AGBL1: variants seen among roughly 807,000 people sequenced by gnomAD.
AGBL1 encodes the protein cytosolic carboxypeptidase 4.
A neutral mutation model predicts 118.9 loss-of-function variants in AGBL1; 130 were observed. That is an observed-to-expected ratio of 1.09 (90% CI 0.95 to 1.26). The LOEUF (loss-of-function observed/expected upper bound fraction) is 1.26, where lower values mean the gene tolerates loss of function less well. AGBL1 is among the 50% of genes most tolerant of loss of function. AGBL1 has a pLI of 0.00. For missense variants in AGBL1, 1,584 were observed against 1,298.1 expected (o/e 1.22, Z -3.38); for synonymous variants, 555 against 478.9 (o/e 1.16, Z -2.08).
At chr15:86,941,689 A>C (rs1243452229) in intron 23 of AGBL1, among the ~76,000 whole-genome samples, 1 of 152,208 alleles carries the variant, frequency 6.6e-6, no homozygotes. Context: ...CTTCACCAGG[A>C]GGCATCTTTC....
chr15:86,262,472 T>C (rs2079007645), intron 9 of AGBL1, among the ~76,000 whole-genome samples: 1 of 152,204 alleles, frequency 6.6e-6, no homozygotes, highest in Non-Finnish European at 1.5e-5. Context: ...GGCAATGAGA[T>C]AAAGAATTTC....
In AGBL1 at chr15:86,907,715, G is replaced by A. The variant is rs1348523566; in HGVS notation, c.*421G>A. 4 of 152,174 alleles carry A rather than the reference G, an allele frequency of 2.6e-5. No homozygotes were observed. In the South Asian group the frequency reaches 8.3e-4, roughly 32 times the overall value. 9.4% of individuals were successfully genotyped at this position (152,174 alleles called of 1,614,324 possible). A position where few individuals can be genotyped will look rare whatever the true frequency, so the allele number is the denominator to read the frequency against. On this transcript the variant is annotated 3_prime_UTR_variant, in exon 23 of 23. Coordinates refer to ENST00000614907, the MANE Select transcript of AGBL1 (RefSeq NM_001386094.1). Reference sequence around the variant, plus strand: ...TATTTAAGTTGTTCCATATACAAGTGTTATCTTCCAATGTTATCTCCCCAC... The same window carrying A: ...TATTTAAGTTGTTCCATATACAAGTATTATCTTCCAATGTTATCTCCCCAC...
At chr15:86,233,414 G>A (rs1269511605) in intron 6 of AGBL1, among the ~76,000 whole-genome samples, 1 of 150,394 alleles carries the variant, frequency 6.6e-6, no homozygotes, top group Non-Finnish European at 1.5e-5. Flanking sequence ...AAAATCTTTT[G>A]AGGGAAATTG....
chr15:86,432,716 A>C (rs1288973313), intron 18 of AGBL1, among the ~76,000 whole-genome samples: 3 of 152,246 alleles, frequency 2.0e-5, no homozygotes, highest in Non-Finnish European at 4.4e-5. Flanking sequence ...GAGCTTAGAT[A>C]AAAGCCTGAA....
chr15:86,699,505 G>C (rs966472283), intron 22 of AGBL1, among the ~76,000 whole-genome samples: 1 of 152,018 alleles, frequency 6.6e-6, no homozygotes, highest in Non-Finnish European at 1.5e-5. Context: ...AATCTATTGA[G>C]TTTTCTTTAA....
At chr15:86,964,792 C>A (rs1012139513) in intron 23 of AGBL1, among the ~76,000 whole-genome samples, 1 of 152,024 alleles carries the variant, frequency 6.6e-6, no homozygotes, top group African/African-American at 2.4e-5. Context: ...ACCCCCCAAC[C>A]CCTGACAGGC....
intron 19 of AGBL1, among the ~76,000 whole-genome samples, chr15:86,539,039 T>C (rs987621493): frequency 1.3e-5 from 2 of 152,090 alleles, no homozygotes; most frequent in African/African-American, 4.8e-5. Context: ...GCAATTTAGC[T>C]CAGACAAGAA....
rs368241862 is a variant in AGBL1 at position 86,999,378 on chromosome 15, C to G, written c.3323+11290C>G. Among the ~76,000 whole-genome samples, 86 of 146,400 alleles carry G rather than the reference C, an allele frequency of 5.9e-4. No homozygotes were observed. In the East Asian group the frequency reaches 0.016, roughly 27 times the overall value. On this transcript the variant is annotated intron_variant, in intron 24 of 24. Transcript: ENST00000441037. The stretch of plus-strand genomic sequence containing the variant: ...CGATGCTATCCCTCCCCCCTGCCAC[C>G]ACCCCACAACAGTCCCCAGAGTGTG...
intron 18 of AGBL1, among the ~76,000 whole-genome samples, chr15:86,472,215 T>A (rs1403719509): frequency 6.6e-6 from 1 of 152,192 alleles, no homozygotes; most frequent in Non-Finnish European, 1.5e-5. Flanking sequence ...GGTAATTTGT[T>A]CCAGCAGCCC....
intron 18 of AGBL1, among the ~76,000 whole-genome samples, chr15:86,494,322 T>C (rs1015468976): frequency 7.9e-5 from 12 of 152,122 alleles, no homozygotes; most frequent in Non-Finnish European, 1.5e-5. Context: ...ATTACCCTTA[T>C]GGTTACAGCT....
At chr15:87,023,333 G>A (rs1236546295) in intron 24 of AGBL1, among the ~76,000 whole-genome samples, 1 of 151,920 alleles carries the variant, frequency 6.6e-6, no homozygotes, top group Non-Finnish European at 1.5e-5. Context: ...AGTAGCTATA[G>A]TTATGTAAGA....
At chr15:86,877,284 G>T (rs2079824469) in intron 22 of AGBL1, among the ~76,000 whole-genome samples, 1 of 152,162 alleles carries the variant, frequency 6.6e-6, no homozygotes, top group Non-Finnish European at 1.5e-5. Flanking sequence ...AACCTGGATG[G>T]AAAGAGTATG....
intron 22 of AGBL1, among the ~76,000 whole-genome samples, chr15:86,703,608 C>T (rs2086396845): frequency 6.6e-6 from 1 of 152,070 alleles, no homozygotes; most frequent in African/African-American, 2.4e-5. Flanking sequence ...GTAATAATCC[C>T]TGTGGAAGGA....
chr15:86,470,606 T>G (rs2082467033), intron 18 of AGBL1, among the ~76,000 whole-genome samples: 1 of 152,216 alleles, frequency 6.6e-6, no homozygotes, highest in Admixed American at 6.5e-5. Flanking sequence ...GGGATGGCAT[T>G]GAAGTTGTAG....
intron 17 of AGBL1, among the ~76,000 whole-genome samples, chr15:86,397,050 G>T (rs1453483802): frequency 6.6e-6 from 1 of 152,134 alleles, no homozygotes; most frequent in Admixed American, 6.6e-5. Flanking sequence ...GATAGAAAAT[G>T]GGTAAATGTA....
chr15:86,125,856 G>C (rs893343965), intron 1 of AGBL1, among the ~76,000 whole-genome samples: 1 of 152,224 alleles, frequency 6.6e-6, no homozygotes, highest in African/African-American at 2.4e-5. Flanking sequence ...TTAAGTGGGA[G>C]CATTGAACTA....
chr15:86,736,058 C>T (rs1315872639), intron 22 of AGBL1, among the ~76,000 whole-genome samples: 1 of 152,106 alleles, frequency 6.6e-6, no homozygotes, highest in East Asian at 1.9e-4. Flanking sequence ...AAGAGCTCAG[C>T]ATTGCAAAGG....
intron 17 of AGBL1, among the ~76,000 whole-genome samples, chr15:86,303,114 A>G (rs986253508): frequency 6.6e-6 from 1 of 152,142 alleles, no homozygotes; most frequent in African/African-American, 2.4e-5. Flanking sequence ...GGGTTCAAAT[A>G]TTGGCTCTGC....
intron 1 of AGBL1, among the ~76,000 whole-genome samples, chr15:86,122,148 A>G (rs914971285): frequency 1.3e-5 from 2 of 152,216 alleles, no homozygotes; most frequent in African/African-American, 2.4e-5. Flanking sequence ...CTGCTGATGG[A>G]AAATAGTCAT....
Sources: gnomAD v4.1 joint callset for allele counts (sites outside exome capture counted in the v4.1 genomes callset) on GRCh38, gnomAD v4.1.1 for gene constraint, MANE v1.5 for transcripts, NCBI Gene and HGNC (gene_info 2026-07-23, HGNC 2026-07-21) for gene names.